Variants in TOGARAM1 observed in about 807,000 individuals in gnomAD.
TOGARAM1 encodes TOG array regulator of axonemal microtubules 1.
Under a neutral mutation model 166.6 loss-of-function variants are expected in TOGARAM1, and 100 were observed. The ratio of observed to expected loss-of-function variants is 0.60; its 90% CI spans 0.51 to 0.71. TOGARAM1 has a LOEUF of 0.71. TOGARAM1 is among the 30% of genes least tolerant of loss of function. The probability of loss-of-function intolerance (pLI) is 0.00; values close to 1 mark genes in which losing one functional copy is unlikely to be tolerated. For synonymous variants in TOGARAM1, 758 were observed against 763.8 expected, an observed-to-expected ratio of 0.99 and a Z score of 0.13; for missense variants, 2,029 against 2,102.7, an observed-to-expected ratio of 0.96 and a Z score of 0.69.
intron 7 of TOGARAM1, among the ~76,000 whole-genome samples, chr14:45,014,715 A>G (rs1440724077): frequency 6.6e-6 from 1 of 152,202 alleles, no homozygotes; most frequent in Admixed American, 6.5e-5. Flanking sequence ...TCTGAATGAT[A>G]TTACAGTAAA....
intron 3 of TOGARAM1, among the ~76,000 whole-genome samples, chr14:45,001,312 A>G (rs1481720909): frequency 6.6e-6 from 1 of 152,234 alleles, no homozygotes; most frequent in South Asian, 2.1e-4. Context: ...AGAAGAAAAC[A>G]TTAGTGAAAT....
intron 1 of TOGARAM1, 23 bp from the exon 2 acceptor site, chr14:44,995,723 A>C (rs757588236): frequency 1.3e-6 from 2 of 1,499,868 alleles, no homozygotes; most frequent in African/African-American, 2.8e-5. Context: ...CAAATTTGCT[A>C]ATTTATGATT....
chr14:45,054,332 TA>T (rs558109404), intron 15 of TOGARAM1, 98 bp from the exon 16 acceptor site: 1 of 712,966 alleles, frequency 1.4e-6, no homozygotes, highest in Non-Finnish European at 2.3e-6. Context: ...CTTTCCATCT[TA>T]AAAAATCAAT....
Position 44,962,656 on chromosome 14 carries a change from T to C in TOGARAM1, c.235T>C (p.Ser79Pro). Reference sequence around the variant, plus strand: ...CCTCTTGATGCCCTCGGAGGCAGTCTCAAGCAGCTGGTCTGAGTCTGGAGG... The same window carrying C: ...CCTCTTGATGCCCTCGGAGGCAGTCCCAAGCAGCTGGTCTGAGTCTGGAGG... ...SALLMPSEAV[S>P]SSWSESGGGL... Residue 79 changes from serine to proline, a missense_variant, in exon 1 of 20, where the codon TCA becomes CCA. Around this residue, in one of 2 missense-constraint regions of TOGARAM1, gnomAD observed 1,453 missense variants for 1,432.2 expected, o/e 1.01. Coordinates refer to ENST00000361462, the MANE Select transcript of TOGARAM1 (RefSeq NM_001308120.2). 6.2e-7 allele frequency: 1 copy of C among 1,614,180 alleles called. No homozygotes were observed. Among genetic ancestry groups the C allele is most frequent in the Admixed American group, 1.7e-5 (1 of 60,018 alleles).
In TOGARAM1 at chr14:45,030,037, G is replaced by T. The variant is rs187257045; in HGVS notation, c.3658+1708G>T. 2.1e-3 allele frequency among the ~76,000 whole-genome samples: 324 copies of T among 152,156 alleles called. 5 individuals carry two copies. The highest frequency in any genetic ancestry group is 6.8e-3 in the African/African-American group (281 of 41,506). On this transcript the variant is annotated intron_variant, in intron 10 of 19. Coordinates refer to ENST00000361462, the MANE Select transcript of TOGARAM1 (RefSeq NM_001308120.2). ...GGGTTTCACCATGTTGGACAGGCTG[G>T]TCTCGAACTCCTGACCTCGTGATCT...
chr14:44,983,977 G>A (rs1886662314), intron 1 of TOGARAM1, among the ~76,000 whole-genome samples: 1 of 152,084 alleles, frequency 6.6e-6, no homozygotes, highest in Non-Finnish European at 1.5e-5. Flanking sequence ...AGTTTTTTGA[G>A]GCATTTGTTT....
At chr14:44,984,286 G>T (rs953532823) in intron 1 of TOGARAM1, among the ~76,000 whole-genome samples, 3 of 151,334 alleles carry the variant, frequency 2.0e-5, no homozygotes, top group African/African-American at 7.3e-5. Context: ...ATATTTTAAT[G>T]GTACATAATA....
intron 1 of TOGARAM1, among the ~76,000 whole-genome samples, chr14:44,982,277 T>C (rs1339767357): frequency 6.6e-6 from 1 of 152,214 alleles, no homozygotes; most frequent in Non-Finnish European, 1.5e-5. Flanking sequence ...TGTTTTTGTT[T>C]CTGCTATTTA....
intron 18 of TOGARAM1, among the ~76,000 whole-genome samples, chr14:45,071,295 T>G (rs1205571534): frequency 7.2e-5 from 11 of 152,160 alleles, no homozygotes; most frequent in South Asian, 4.1e-4. Context: ...GTTTTTTTTT[T>G]TTTTTTTTTA....
Position 45,025,791 on chromosome 14 carries a change from T to G in TOGARAM1, c.3247T>G (p.Ser1083Ala). ...AEQSPSAGSS[S>A]NPQQISSFDF... ...TTTTGGGGGATTTACAGGGTCATCA[T>G]CAAATCCACAGCAAATTTCCAGTTT... The change falls in exon 8 of 20, where the codon TCA becomes GCA. Residue 1083 changes from serine (S) to alanine (A), a missense_variant. Ser to Ala is a moderately conservative substitution (Grantham distance 99). Transcript: ENST00000361462. 1 of 1,601,014 alleles carries G rather than the reference T, an allele frequency of 6.2e-7. No individual in the cohort carries two copies. The highest frequency in any genetic ancestry group is 8.6e-7 in the Non-Finnish European group (1 of 1,168,974).
At chr14:45,021,946 T>C (rs1475643264) in intron 7 of TOGARAM1, among the ~76,000 whole-genome samples, 1 of 152,128 alleles carries the variant, frequency 6.6e-6, no homozygotes, top group East Asian at 1.9e-4. Flanking sequence ...TCGTATGGGC[T>C]AAGTCCTGCT....
chr14:45,020,251 C>T (rs912076488), intron 7 of TOGARAM1, among the ~76,000 whole-genome samples: 1 of 152,184 alleles, frequency 6.6e-6, no homozygotes, highest in African/African-American at 2.4e-5. Flanking sequence ...CTTTAACTTT[C>T]TCAGTGATGA....
chr14:45,044,526 G>A, intron 12 of TOGARAM1, 109 bp from the exon 13 acceptor site: 1 of 740,372 alleles, frequency 1.4e-6, no homozygotes, highest in East Asian at 2.8e-5. Context: ...GGTCGACAGA[G>A]CGAGACCCTA....
At chr14:45,046,808 G>A (rs913056298) in intron 14 of TOGARAM1, 105 bp downstream of exon 14, 2 of 956,734 alleles carry the variant, frequency 2.1e-6, no homozygotes, top group African/African-American at 3.4e-5. Flanking sequence ...ATGGAGAAGT[G>A]GGGTCCCAGG....
intron 16 of TOGARAM1, among the ~76,000 whole-genome samples, chr14:45,058,262 C>A (rs1882737279): frequency 6.6e-6 from 1 of 151,556 alleles, no homozygotes; most frequent in South Asian, 2.1e-4. Context: ...CATAGCTACA[C>A]CTGATCACTT....
rs759804447 is a variant in TOGARAM1 at position 44,963,687 on chromosome 14, T to C, written c.1266T>C (p.Val422=). ...CACTTGAAGTCCTGCATTTACTGGT[T>C]ATTCGCCTTGGAGAGCAGGTACAGC... ...HGTLEVLHLL[V]IRLGEQVQQF... Residue 422 remains valine, a synonymous_variant, in exon 1 of 20, where the codon GTT becomes GTC. Transcript: ENST00000361462. 9 of 1,613,772 alleles carry C rather than the reference T, an allele frequency of 5.6e-6. No individual in the cohort carries two copies. The highest frequency in any genetic ancestry group is 5.0e-5 in the Admixed American group (3 of 60,028).
intron 17 of TOGARAM1, among the ~76,000 whole-genome samples, chr14:45,067,644 G>A (rs1883195468): frequency 6.6e-6 from 1 of 151,962 alleles, no homozygotes; most frequent in East Asian, 1.9e-4. Flanking sequence ...TATTGTCTCA[G>A]TTTTCTGAAG....
intron 1 of TOGARAM1, among the ~76,000 whole-genome samples, chr14:44,980,154 T>C (rs1234861542): frequency 6.6e-6 from 1 of 152,212 alleles, no homozygotes; most frequent in Non-Finnish European, 1.5e-5. Flanking sequence ...CAGGTCTGGC[T>C]CCTGGCCTGA....
chr14:45,033,913 A>C (rs1041560146), intron 11 of TOGARAM1, among the ~76,000 whole-genome samples: 2 of 152,216 alleles, frequency 1.3e-5, no homozygotes, highest in Non-Finnish European at 2.9e-5. Context: ...CTGTAATCTC[A>C]GCACTTTGGG....
Sources: gnomAD v4.1 joint callset for allele counts (sites outside exome capture counted in the v4.1 genomes callset) on GRCh38, gnomAD v4.1.1 for gene constraint, gnomAD v4.1.1 regional missense constraint, MANE v1.5 for transcripts, NCBI Gene and HGNC (gene_info 2026-07-23, HGNC 2026-07-21) for gene names.